Variants in TGDS observed in about 807,000 individuals in gnomAD.
TGDS encodes TDP-glucose 4,6-dehydratase.
In TGDS, 47 loss-of-function variants were observed where a neutral mutation model predicts 52.3. The observed-to-expected ratio is 0.90, with a 90% CI of 0.71 to 1.15. The LOEUF is 1.15. Ranked by LOEUF, TGDS falls within the 50% of genes most tolerant of loss-of-function variation. The pLI is 0.00. For synonymous variants in TGDS, 115 were observed against 136.9 expected (o/e 0.84, Z 1.12); for missense variants, 375 against 418.4 (o/e 0.90, Z 0.90).
rs189986213 is a variant in TGDS at position 94,592,146 on chromosome 13, T to A, written c.222+95A>T. ...AAAAGGTCTTTAATTAGTGTTCTTT[T>A]CAAGCCCACATTACACAAGTTTGTA... On this transcript the variant is annotated intron_variant, in intron 3 of 11. Transcript: ENST00000261296. 575 of 892,816 alleles carry A rather than the reference T, an allele frequency of 6.4e-4. 2 individuals carry two copies. The African/African-American group carries it at 9.1e-3, about 14-fold the overall frequency. 55.3% of individuals were successfully genotyped at this position (892,816 alleles called of 1,614,324 possible).
At chr13:94,578,940 ACTC>A (rs1888700094) in intron 7 of TGDS, among the ~76,000 whole-genome samples, 167 bp from the exon 8 acceptor site, 2 of 152,266 alleles carry the variant, frequency 1.3e-5, no homozygotes, top group East Asian at 1.9e-4. Context: ...ATGTAAAAGA[ACTC>A]CTAGTTTGCT....
intron 4 of TGDS, among the ~76,000 whole-genome samples, chr13:94,589,304 A>G (rs150302154): frequency 0.011 from 1,574 of 144,304 alleles, 25 homozygotes; most frequent in African/African-American, 0.039. Flanking sequence ...CCATTTTAAA[A>G]TGGACAAAAG....
At chr13:94,588,092 C>A (rs1162418158) in intron 4 of TGDS, among the ~76,000 whole-genome samples, 1 of 150,166 alleles carries the variant, frequency 6.7e-6, no homozygotes, top group Non-Finnish European at 1.5e-5. Flanking sequence ...AGAACTTTCA[C>A]TAATAATAAG....
intron 2 of TGDS, among the ~76,000 whole-genome samples, chr13:94,593,388 T>G (rs1042645627): frequency 3.9e-5 from 6 of 152,196 alleles, no homozygotes; most frequent in African/African-American, 1.2e-4. Flanking sequence ...GTTCTTCTTA[T>G]GATGGATGTC....
rs375494440 is a variant in TGDS, at chr13:94,579,937, G to A, written c.572C>T (p.Thr191Ile). 2.7e-5 allele frequency: 43 copies of A among 1,601,800 alleles called. No individual in the cohort carries two copies. The highest frequency in any genetic ancestry group is 3.6e-5 in the Non-Finnish European group (42 of 1,171,618). ...TGGTCCATAAACATTACTGCTTCTT[G>A]TGATGACAACTGGAAACTTAAAAGA... ...WEQYKFPVVI[T>I]RSSNVYGPHQ... The change falls in exon 7 of 12, where the codon ACA (threonine) becomes ATA (isoleucine). Residue 191 changes from threonine (T) to isoleucine (I), a missense_variant. Transcript: ENST00000261296.
chr13:94,590,810 G>T, intron 4 of TGDS, 43 bp downstream of exon 4: 2 of 1,459,606 alleles, frequency 1.4e-6, no homozygotes, highest in Non-Finnish European at 1.8e-6. Flanking sequence ...CGAGGGCGGG[G>T]AGAGAACTGC....
intron 4 of TGDS, among the ~76,000 whole-genome samples, chr13:94,586,751 ATTTT>A (rs55763244): frequency 5.4e-5 from 2 of 36,840 alleles, no homozygotes; most frequent in Admixed American, 2.8e-4. Flanking sequence ...AAATCAAATT[ATTTT>A]TTTTTTTTTT....
chr13:94,591,975 C>T (rs1889218144), intron 3 of TGDS, among the ~76,000 whole-genome samples: 1 of 152,158 alleles, frequency 6.6e-6, no homozygotes, highest in Non-Finnish European at 1.5e-5. Context: ...TAGGGAGGAA[C>T]TAAAATACAA....
chr13:94,595,651 G>T (rs1331386487), intron 1 of TGDS, among the ~76,000 whole-genome samples: 1 of 152,192 alleles, frequency 6.6e-6, no homozygotes, highest in Admixed American at 6.5e-5. Context: ...TGATTACATA[G>T]ATGTCCTATT....
At chr13:94,579,604 T>A in intron 7 of TGDS, 1 of 235,356 alleles carries the variant, frequency 4.2e-6, no homozygotes, top group Non-Finnish European at 8.1e-6. Context: ...CTATAGTGCT[T>A]TAGAGTCTTT....
chr13:94,574,844 AC>A lies in TGDS; in HGVS notation c.990del (p.Trp330CysfsTer16). 2 of 1,581,936 alleles carry A rather than the reference AC, an allele frequency of 1.3e-6. No individual in the cohort carries two copies. Among genetic ancestry groups the A allele is most frequent in the Non-Finnish European group, 1.7e-6 (2 of 1,160,198 alleles). ...WKEGIKKTIE[W>X]YRENFHNWKN... ...TTCCAGTTGTGAAAATTCTCTCTGTACCATTCAACTAATAGGAAAAAACAAA... is the reference window on the plus strand; with the variant it reads ...TTCCAGTTGTGAAAATTCTCTCTGTACATTCAACTAATAGGAAAAAACAAA... On this transcript the variant is annotated frameshift_variant, in exon 12 of 12. Coordinates refer to ENST00000261296, the MANE Select transcript of TGDS (RefSeq NM_014305.4). LOFTEE classifies it high-confidence loss of function.
At chr13:94,595,083 G>A (rs548090638) in intron 1 of TGDS, among the ~76,000 whole-genome samples, 1 of 152,206 alleles carries the variant, frequency 6.6e-6, no homozygotes, top group South Asian at 2.1e-4. Flanking sequence ...GTTGGGAGAG[G>A]GGCTATTTTA....
intron 1 of TGDS, among the ~76,000 whole-genome samples, chr13:94,594,186 C>G (rs1112370): frequency 6.6e-6 from 1 of 152,004 alleles, no homozygotes; most frequent in Non-Finnish European, 1.5e-5. Context: ...TTTAACCAAA[C>G]GATGCCATCC....
Position 94,574,626 on chromosome 13 carries a change from AGATT to A in TGDS, c.*152_*155del, listed in dbSNP as rs1196105858. The A allele has an allele frequency of 1.8e-6, 1 of 547,012 alleles. No individual in the cohort carries two copies. Among genetic ancestry groups the A allele is most frequent in the African/African-American group, 1.9e-5 (1 of 51,504 alleles). The allele number at this position is 547,012 out of a possible 1,614,324, so 33.9% of individuals were successfully genotyped here. A position where few individuals can be genotyped will look rare whatever the true frequency, so the allele number is the denominator to read the frequency against. On this transcript the variant is annotated 3_prime_UTR_variant, in exon 12 of 12. Coordinates refer to ENST00000261296, the MANE Select transcript of TGDS (RefSeq NM_014305.4). ...TATGCCAGTACTGAAACTCTCCCAA[AGATT>A]GAGGCATTCTGCATTTGAATTTTAT... is the stretch of plus-strand genomic sequence containing the variant.
rs1219150583 is a variant in TGDS, at chr13:94,574,527, G to C, written c.*255C>G. ...AGACTTCTTCCTGGCTACCCTTAGG[G>C]AGAGTCTTCTACACCTATTATTTCC... is the stretch of plus-strand genomic sequence containing the variant. On this transcript the variant is annotated 3_prime_UTR_variant, in exon 12 of 12. Coordinates refer to ENST00000261296, the MANE Select transcript of TGDS (RefSeq NM_014305.4). The C allele has an allele frequency of 1.1e-5, 4 of 365,740 alleles. No individual in the cohort carries two copies. Among genetic ancestry groups the C allele is most frequent in the Non-Finnish European group, 2.0e-5 (4 of 203,658 alleles). The allele number at this position is 365,740 out of a possible 1,614,324, so 22.7% of individuals were successfully genotyped here.
rs1290576275 is a variant in TGDS at position 94,590,921 on chromosome 13, A to T, written c.245T>A (p.Phe82Tyr). The change falls in exon 4 of 12, where the codon TTT becomes TAT. Residue 82 changes from phenylalanine to tyrosine, a missense_variant. By Grantham distance (22) the Phe-to-Tyr change is conservative (BLOSUM62 3). Transcript: ENST00000261296. ...FIQGDICDSH[F>Y]VKLLFETEKI... The stretch of plus-strand genomic sequence containing the variant: ...CTCTGTTTCAAAAAGCAGTTTCACA[A>T]AGTGAGAATCACATATGTCACCCTA... 1 of 1,573,022 alleles carries T rather than the reference A, an allele frequency of 6.4e-7. No homozygotes were observed. Among genetic ancestry groups the T allele is most frequent in the Admixed American group, 2.0e-5 (1 of 49,912 alleles).
rs767758479 is a variant in TGDS, at chr13:94,592,317, G to C, written c.154-8C>G. 6 of 1,594,076 alleles carry C rather than the reference G, an allele frequency of 3.8e-6. No homozygotes were observed. Among genetic ancestry groups the C allele is most frequent in the Non-Finnish European group, 5.1e-6 (6 of 1,174,786 alleles). ...GCTTGCACAGTAATCCAGCTTGAAA[G>C]AAGAGAGCACAGAAGGGGCAACACA... On this transcript the variant is annotated splice_region_variant and splice_polypyrimidine_tract_variant and intron_variant, in intron 2 of 11. Coordinates refer to ENST00000261296, the MANE Select transcript of TGDS (RefSeq NM_014305.4).
At chr13:94,583,369 A>C in intron 4 of TGDS, 133 bp from the exon 5 acceptor site, 1 of 840,912 alleles carries the variant, frequency 1.2e-6, no homozygotes, top group Non-Finnish European at 1.7e-6. Context: ...TTATAATAAT[A>C]ACATACACAG....
chr13:94,584,099 T>C (rs1465063579), intron 4 of TGDS, among the ~76,000 whole-genome samples: 1 of 152,254 alleles, frequency 6.6e-6, no homozygotes. Context: ...ACAATGATGA[T>C]GTAAAATGTT....
Sources: allele counts gnomAD v4.1 joint callset (sites outside exome capture counted in the v4.1 genomes callset), GRCh38; gene constraint gnomAD v4.1.1; transcripts MANE v1.5; gene names NCBI Gene and HGNC (gene_info 2026-07-23, HGNC 2026-07-21).